Variants in RBFOX3 observed in about 807,000 individuals in gnomAD.
RBFOX3 encodes the protein RNA binding fox-1 homolog 3, also known as RNA binding protein fox-1 homolog 3.
RBFOX3 carries 17 observed loss-of-function variants against 48.7 expected under a neutral mutation model. The observed-to-expected ratio is 0.35, with a 90% CI of 0.24 to 0.52. RBFOX3 has a LOEUF of 0.52. Among genes scored for constraint, RBFOX3 ranks in the 20% least tolerant of loss-of-function variants. The pLI is 0.94. For missense variants in RBFOX3, 382 were observed against 497.5 expected (o/e 0.77, Z 2.21); for synonymous variants, 212 against 209.5 (o/e 1.01, Z -0.10).
At chr17:79,132,184 G>A (rs894193570) in intron 4 of RBFOX3, among the ~76,000 whole-genome samples, 1 of 148,998 alleles carries the variant, frequency 6.7e-6, no homozygotes, top group Admixed American at 6.9e-5. Flanking sequence ...GGGTGAGGGG[G>A]CTTGAGGCTG....
rs782318294 is a variant in RBFOX3 at position 79,421,682 on chromosome 17, CAA to C, written c.-175+60770_-175+60771del. 7.7e-4 allele frequency among the ~76,000 whole-genome samples: 117 copies of C among 152,284 alleles called. No individual in the cohort carries two copies. The highest frequency in any genetic ancestry group is 7.5e-4 in the Non-Finnish European group (51 of 68,020). ...CGAACGCGGTCACCATAGGACCAAA[CAA>C]GATGACCATAGGACCAAGCAAGATG... is the stretch of plus-strand genomic sequence containing the variant. On this transcript the variant is annotated intron_variant, in intron 2 of 14. Coordinates refer to ENST00000693108, the MANE Select transcript of RBFOX3 (RefSeq NM_001350451.2). This position sits in a 1 kb window ranked among gnomAD's most constrained non-coding sequence, Gnocchi z 4.5.
intron 4 of RBFOX3, among the ~76,000 whole-genome samples, chr17:79,145,948 G>A (rs149384946): frequency 1.6e-3 from 240 of 152,222 alleles, no homozygotes; most frequent in African/African-American, 5.6e-3. Flanking sequence ...GGATGGTTTT[G>A]GAATGAAACT....
At position 79,473,451 on chromosome 17, in the gene RBFOX3, C is replaced by T. The variant is rs1454254077; in HGVS notation, c.-175+9003G>A. ...CGAGAACCTCGGGTAAGATAACCTG[C>T]TCACATGTGTCATTCAGGGACGTCA... On this transcript the variant is annotated intron_variant, in intron 2 of 14. Transcript: ENST00000693108. This position sits in a 1 kb window ranked among gnomAD's most constrained non-coding sequence, Gnocchi z 4.2. 6.6e-6 allele frequency among the ~76,000 whole-genome samples: 1 copy of T among 152,260 alleles called. No homozygotes were observed. The highest frequency in any genetic ancestry group is 2.4e-5 in the African/African-American group (1 of 41,464).
intron 2 of RBFOX3, among the ~76,000 whole-genome samples, chr17:79,410,139 C>A (rs867822010): frequency 6.6e-6 from 1 of 152,234 alleles, no homozygotes; most frequent in Non-Finnish European, 1.5e-5. Flanking sequence ...TGCCTCAGCT[C>A]AGCATGCGTG....
the RBFOX3 span, among the ~76,000 whole-genome samples, chr17:79,645,268 A>G: frequency 6.6e-6 from 1 of 152,044 alleles, no homozygotes; most frequent in East Asian, 1.9e-4. Flanking sequence ...CTTGCGTGCA[A>G]TGTCCAGCAA....
intron 1 of RBFOX3, among the ~76,000 whole-genome samples, chr17:79,560,144 G>A (rs1250279852): frequency 3.9e-5 from 6 of 152,154 alleles, no homozygotes; most frequent in Non-Finnish European, 8.8e-5. Context: ...CAAAGTAACA[G>A]CCTCCCCCAC....
intron 4 of RBFOX3, among the ~76,000 whole-genome samples, chr17:79,158,997 T>G (rs1217686807): frequency 6.6e-6 from 1 of 152,104 alleles, no homozygotes. Flanking sequence ...AGCGCTTTCA[T>G]ACAGTGAAGG....
In RBFOX3 at chr17:79,103,538, A is replaced by G. The variant is rs2076833135; in HGVS notation, c.415-284T>C. 6.6e-6 allele frequency among the ~76,000 whole-genome samples: 1 copy of G among 152,134 alleles called. No individual in the cohort carries two copies. The highest frequency in any genetic ancestry group is 1.5e-5 in the Non-Finnish European group (1 of 68,018). On this transcript the variant is annotated intron_variant, in intron 7 of 14. Coordinates refer to ENST00000693108, the MANE Select transcript of RBFOX3 (RefSeq NM_001350451.2). This position sits in a 1 kb window ranked among gnomAD's most constrained non-coding sequence, Gnocchi z 6.1. ...CCCGGCATCTCCAAAGGGACAGGCC[A>G]AAGCCACATAAGAGACGCCATACCT...
intron 1 of RBFOX3, among the ~76,000 whole-genome samples, chr17:79,536,592 C>T (rs1241533198): frequency 1.3e-5 from 2 of 148,556 alleles, no homozygotes; most frequent in Non-Finnish European, 3.0e-5. Flanking sequence ...TCATCACCCT[C>T]GGGCCTCCTT....
chr17:79,650,501 G>A, the RBFOX3 span, among the ~76,000 whole-genome samples: 3 of 152,046 alleles, frequency 2.0e-5, no homozygotes, highest in Non-Finnish European at 2.9e-5. Context: ...CAGCCACGCC[G>A]CTCTCCCACC....
intron 3 of RBFOX3, among the ~76,000 whole-genome samples, chr17:79,264,910 G>T (rs904676538): frequency 4.6e-5 from 7 of 152,108 alleles, no homozygotes; most frequent in African/African-American, 1.7e-4. Context: ...GAGAACATGG[G>T]GAAGTGTCCG....
chr17:79,342,876 C>T (rs995854151), intron 2 of RBFOX3, among the ~76,000 whole-genome samples: 1 of 152,096 alleles, frequency 6.6e-6, no homozygotes, highest in African/African-American at 2.4e-5. Context: ...CTCAGTTATT[C>T]TCATGCACTT....
chr17:79,105,330 G>A (rs912660546), intron 6 of RBFOX3, among the ~76,000 whole-genome samples: 4 of 152,190 alleles, frequency 2.6e-5, no homozygotes, highest in Admixed American at 6.5e-5. Context: ...CCCCTGTCCT[G>A]TAGGGACCCA....
At position 79,321,705 on chromosome 17, in the gene RBFOX3, C is replaced by CTTTT. The variant is rs55633027; in HGVS notation, c.-174-13885_-174-13882dup. On this transcript the variant is annotated intron_variant, in intron 2 of 14. Coordinates refer to ENST00000693108, the MANE Select transcript of RBFOX3 (RefSeq NM_001350451.2). ...GCGAGCCGGGCTTTCAGGAATCTGG[C>CTTTT]TTTTTTTTTTTTTTTTTATAGACGG... Among the ~76,000 whole-genome samples the CTTTT allele has an allele frequency of 1.0e-3, 137 of 134,072 alleles. 3 individuals carry two copies. Among genetic ancestry groups the CTTTT allele is most frequent in the African/African-American group, 2.9e-3 (103 of 35,742 alleles). The allele number at this position is 134,072 out of a possible 152,430, so 88.0% of individuals were successfully genotyped here.
intron 2 of RBFOX3, among the ~76,000 whole-genome samples, chr17:79,438,104 G>GCACA (rs10659732): frequency 0.23 from 34,305 of 150,692 alleles, 4,170 homozygotes; most frequent in East Asian, 0.49. Flanking sequence ...GTGCACAGGC[G>GCACA]CACACACACA....
chr17:79,450,472 A>G (rs1394528305), intron 2 of RBFOX3, among the ~76,000 whole-genome samples: 1 of 152,186 alleles, frequency 6.6e-6, no homozygotes, highest in Non-Finnish European at 1.5e-5. Flanking sequence ...GACTCCAGGA[A>G]AACGAATCAC....
chr17:79,426,935 C>T (rs557297630), intron 2 of RBFOX3, among the ~76,000 whole-genome samples: 1 of 152,036 alleles, frequency 6.6e-6, no homozygotes, highest in Non-Finnish European at 1.5e-5. Context: ...AACTCCTGAC[C>T]TCAGGTGATC....
chr17:79,215,556 T>C (rs2058930822), intron 4 of RBFOX3, among the ~76,000 whole-genome samples: 1 of 152,206 alleles, frequency 6.6e-6, no homozygotes, highest in African/African-American at 2.4e-5. Context: ...ACTCATCTCC[T>C]GCCCACACGG....
At chr17:79,286,728 G>T (rs2144679691) in intron 3 of RBFOX3, among the ~76,000 whole-genome samples, 1 of 152,300 alleles carries the variant, frequency 6.6e-6, no homozygotes, top group East Asian at 1.9e-4. Context: ...AAAGGGTAGG[G>T]CCCTAAAGAG....
Sources: gnomAD v4.1 joint callset for allele counts (sites outside exome capture counted in the v4.1 genomes callset) on GRCh38, gnomAD v4.1.1 for gene constraint, Gnocchi (gnomAD v3.1) non-coding constraint, MANE v1.5 for transcripts, NCBI Gene and HGNC (gene_info 2026-07-23, HGNC 2026-07-21) for gene names.